The following HSD17B3 variants were observed in gnomAD, a reference collection of about 807,000 sequenced individuals.
The protein encoded by HSD17B3 is 17-beta-hydroxysteroid dehydrogenase type 3.
Under a neutral mutation model 41.1 loss-of-function variants are expected in HSD17B3, and 29 were observed. That is an observed-to-expected ratio of 0.71 (90% CI 0.53 to 0.96). HSD17B3 has a LOEUF of 0.96. Among genes scored for constraint, HSD17B3 ranks in the 40% least tolerant of loss-of-function variants. The pLI is 0.00. For synonymous variants in HSD17B3, 126 were observed against 145.6 expected (o/e 0.87, Z 0.97); for missense variants, 323 against 374.6 (o/e 0.86, Z 1.14).
chr9:96,253,128 C>T (rs1037266765), intron 3 of HSD17B3, among the ~76,000 whole-genome samples: 30 of 152,240 alleles, frequency 2.0e-4, no homozygotes, highest in Admixed American at 1.3e-3. Flanking sequence ...TGCAGGGACA[C>T]GTATATGCAT....
intron 2 of HSD17B3, among the ~76,000 whole-genome samples, chr9:96,261,530 G>A (rs901966043): frequency 2.6e-5 from 4 of 152,246 alleles, no homozygotes; most frequent in Non-Finnish European, 1.5e-5. Context: ...GACCTTGGGG[G>A]AAGCAAAGTT....
At chr9:96,280,181 G>A (rs1183071005) in intron 2 of HSD17B3, among the ~76,000 whole-genome samples, 2 of 152,212 alleles carry the variant, frequency 1.3e-5, no homozygotes, top group Non-Finnish European at 2.9e-5. Context: ...CTCCATCATG[G>A]CCTGAACTGG....
intron 2 of HSD17B3, among the ~76,000 whole-genome samples, chr9:96,267,321 T>C (rs1288734572): frequency 2.6e-5 from 4 of 152,016 alleles, no homozygotes; most frequent in African/African-American, 9.7e-5. Context: ...CACGGCCAGC[T>C]ACTTTTTTGT....
chr9:96,253,129 G>A (rs918908490), intron 3 of HSD17B3, among the ~76,000 whole-genome samples: 9 of 152,190 alleles, frequency 5.9e-5, no homozygotes, highest in Admixed American at 5.2e-4. Flanking sequence ...GCAGGGACAC[G>A]TATATGCATT....
intron 2 of HSD17B3, among the ~76,000 whole-genome samples, chr9:96,289,121 A>G (rs1001810352): frequency 1.3e-5 from 2 of 150,458 alleles, no homozygotes; most frequent in African/African-American, 2.5e-5. Flanking sequence ...AAAAAAAACA[A>G]AAACAGAAAA....
intron 2 of HSD17B3, among the ~76,000 whole-genome samples, chr9:96,277,514 A>G (rs2130771807): frequency 6.6e-6 from 1 of 152,366 alleles, no homozygotes; most frequent in Non-Finnish European, 1.5e-5. Context: ...GAAAACCACA[A>G]TGAGCTATCA....
At chr9:96,273,683 TC>T (rs998904405) in intron 2 of HSD17B3, among the ~76,000 whole-genome samples, 66 of 152,210 alleles carry the variant, frequency 4.3e-4, no homozygotes, top group African/African-American at 1.5e-3. Flanking sequence ...CCAGGAGGGA[TC>T]CCCTTGGTCA....
intron 9 of HSD17B3, among the ~76,000 whole-genome samples, chr9:96,243,202 A>G (rs1836521054): frequency 6.6e-6 from 1 of 152,134 alleles, no homozygotes; most frequent in Non-Finnish European, 1.5e-5. Context: ...TACTGCAGCA[A>G]ACTTAGCCCA....
chr9:96,278,216 A>G (rs1055013829), intron 2 of HSD17B3, among the ~76,000 whole-genome samples: 4 of 152,330 alleles, frequency 2.6e-5, no homozygotes, highest in Middle Eastern at 3.4e-3. Flanking sequence ...AGGCTGTATT[A>G]TATGCTTGAA....
chr9:96,289,947 T>C (rs1447768173), intron 2 of HSD17B3, among the ~76,000 whole-genome samples: 2 of 152,126 alleles, frequency 1.3e-5, no homozygotes, highest in East Asian at 3.8e-4. Context: ...CTCCTGTATG[T>C]TGGGGCCTGG....
chr9:96,276,107 TAAA>T (rs57386167), intron 2 of HSD17B3, among the ~76,000 whole-genome samples: 6 of 41,146 alleles, frequency 1.5e-4, no homozygotes, highest in Admixed American at 4.0e-4. Context: ...TCCTGTCTCA[TAAA>T]AAAAAAAAAA....
chr9:96,249,813 T>A (rs1836821710), intron 5 of HSD17B3, 27 bp from the exon 6 acceptor site: 1 of 1,614,002 alleles, frequency 6.2e-7, no homozygotes, highest in Non-Finnish European at 8.5e-7. Flanking sequence ...CAACCACACA[T>A]CAGCCGGATG....
chr9:96,286,775 T>C (rs1433368343), intron 2 of HSD17B3, among the ~76,000 whole-genome samples: 1 of 151,736 alleles, frequency 6.6e-6, no homozygotes, highest in East Asian at 1.9e-4. Context: ...ACCAGCACCA[T>C]ATCAGTTTAC....
rs1243578428 is a variant in HSD17B3, at chr9:96,245,328, G to A, written c.606+17C>T. 3 of 1,583,788 alleles carry A rather than the reference G, an allele frequency of 1.9e-6. No homozygotes were observed. In the East Asian group the frequency reaches 6.7e-5, roughly 35 times the overall value. On this transcript the variant is annotated intron_variant, in intron 8 of 10. Transcript: ENST00000375263. ...AGAGGAAGAAGGAAGAGACTTGGAA[G>A]TCATGACATCACTCACCTTGGAAGC...
chr9:96,245,202 C>T (rs907130016), intron 8 of HSD17B3, 143 bp downstream of exon 8: 3 of 769,806 alleles, frequency 3.9e-6, no homozygotes, highest in Non-Finnish European at 7.0e-6. Context: ...TCTTGGACTT[C>T]CCAGTGAGTA....
At chr9:96,271,232 C>A (rs1010746149) in intron 2 of HSD17B3, among the ~76,000 whole-genome samples, 31 of 152,260 alleles carry the variant, frequency 2.0e-4, no homozygotes, top group African/African-American at 7.5e-4. Flanking sequence ...TCAAGCCCAT[C>A]TGTGTGCCTT....
intron 4 of HSD17B3, 138 bp from the exon 5 acceptor site, chr9:96,251,623 G>A (rs1216398965): frequency 1.3e-6 from 1 of 770,906 alleles, no homozygotes; most frequent in African/African-American, 1.7e-5. Flanking sequence ...CTGGGGGGAA[G>A]TTTTTGTCCA....
intron 2 of HSD17B3, among the ~76,000 whole-genome samples, chr9:96,263,453 C>A (rs1825934709): frequency 6.6e-6 from 1 of 151,954 alleles, no homozygotes; most frequent in Non-Finnish European, 1.5e-5. Flanking sequence ...CACGGTGGCT[C>A]ACGCCTGTAA....
At chr9:96,268,168 A>C (rs1826111175) in intron 2 of HSD17B3, among the ~76,000 whole-genome samples, 1 of 152,138 alleles carries the variant, frequency 6.6e-6, no homozygotes, top group South Asian at 2.1e-4. Context: ...CAAATGATCC[A>C]CTGGCCTTGG....
Sources: gnomAD v4.1 joint callset for allele counts (sites outside exome capture counted in the v4.1 genomes callset) on GRCh38, gnomAD v4.1.1 for gene constraint, MANE v1.5 for transcripts, NCBI Gene and HGNC (gene_info 2026-07-23, HGNC 2026-07-21) for gene names.